The following GPR155 variants were observed in gnomAD, a reference collection of about 807,000 sequenced individuals.
GPR155 encodes lysosomal cholesterol signaling protein.
Under a neutral mutation model 93.1 loss-of-function variants are expected in GPR155, and 65 were observed. The ratio of observed to expected loss-of-function variants is 0.70; its 90% CI spans 0.57 to 0.86. The LOEUF is 0.86. GPR155 is among the 40% of genes least tolerant of loss of function. The probability of loss-of-function intolerance (pLI) is 0.00; values close to 1 mark genes in which losing one functional copy is unlikely to be tolerated. For synonymous variants in GPR155, 319 were observed against 360.1 expected (o/e 0.89, Z 1.29); for missense variants, 838 against 1,034.8 (o/e 0.81, Z 2.61).
intron 10 of GPR155, 128 bp downstream of exon 10, chr2:174,459,750 T>C: frequency 1.6e-6 from 1 of 632,792 alleles, no homozygotes; most frequent in Middle Eastern, 4.3e-4. Context: ...GAGGCTCAGG[T>C]GGCAGAATCG....
rs144476713 is a variant in GPR155, at chr2:174,481,897, C to T, written c.60G>A (p.Leu20=). Residue 20 remains leucine, a synonymous_variant, in exon 2 of 16, where the codon TTG becomes TTA. Coordinates refer to ENST00000392552, the MANE Select transcript of GPR155 (RefSeq NM_152529.7). ...LTIAVNMTKT[L]PTAVTHGFNS... ...TAAATCCATGCGTTACTGCTGTAGG[C>T]AAAGTCTTGGTCATATTGACTGCAA... 2.1e-4 allele frequency: 333 copies of T among 1,613,936 alleles called. No individual in the cohort carries two copies. The highest frequency in any genetic ancestry group is 2.6e-4 in the Non-Finnish European group (302 of 1,179,996).
chr2:174,479,621 A>T (rs1688263336), intron 2 of GPR155, among the ~76,000 whole-genome samples: 1 of 152,240 alleles, frequency 6.6e-6, no homozygotes, highest in Non-Finnish European at 1.5e-5. Context: ...CTATTTCATT[A>T]TCGGCTCACT....
chr2:174,464,580 C>T (rs924600711), intron 7 of GPR155, among the ~76,000 whole-genome samples: 1 of 150,490 alleles, frequency 6.6e-6, no homozygotes, highest in Admixed American at 6.7e-5. Context: ...TAGACTTTGG[C>T]GTGCATGCTT....
intron 1 of GPR155, among the ~76,000 whole-genome samples, chr2:174,485,083 A>T (rs1688435583): frequency 2.0e-5 from 3 of 152,194 alleles, no homozygotes; most frequent in Admixed American, 6.5e-5. Context: ...CTGGTAAAAG[A>T]TCCACCAACT....
intron 3 of GPR155, 149 bp from the exon 4 acceptor site, chr2:174,470,704 A>G: frequency 1.8e-6 from 1 of 567,304 alleles, no homozygotes; most frequent in South Asian, 3.0e-5. Context: ...CTACCTGGGC[A>G]CATTTTGTTG....
At chr2:174,457,605 C>A (rs1687557161) in intron 10 of GPR155, among the ~76,000 whole-genome samples, 1 of 151,932 alleles carries the variant, frequency 6.6e-6, no homozygotes, top group Non-Finnish European at 1.5e-5. Flanking sequence ...TACAGGCACC[C>A]GCCACCACAC....
intron 15 of GPR155, among the ~76,000 whole-genome samples, chr2:174,438,960 A>G (rs1686872993): frequency 1.3e-5 from 2 of 152,192 alleles, no homozygotes; most frequent in African/African-American, 4.8e-5. Context: ...TAATTCAACA[A>G]TCCCAAGAAT....
At chr2:174,449,236 C>T (rs1687247661) in intron 11 of GPR155, among the ~76,000 whole-genome samples, 2 of 152,118 alleles carry the variant, frequency 1.3e-5, no homozygotes, top group Admixed American at 6.5e-5. Context: ...ACAACAGATG[C>T]TGGTGAGGCT....
Position 174,434,186 on chromosome 2 carries a change from G to A in GPR155, c.*1930C>T, listed in dbSNP as rs1686710258. On this transcript the variant is annotated 3_prime_UTR_variant, in exon 16 of 16. Transcript: ENST00000392552. ...GGGTTTCACCACATTGGCCAGGCTG[G>A]TCTCGAACTCCTGGGCTGAAGCAAT... The A allele has an allele frequency of 6.7e-6, 1 of 148,632 alleles. No individual in the cohort carries two copies. Among genetic ancestry groups the A allele is most frequent in the South Asian group, 2.1e-4 (1 of 4,728 alleles). 9.2% of individuals were successfully genotyped at this position (148,632 alleles called of 1,614,324 possible).
intron 7 of GPR155, among the ~76,000 whole-genome samples, chr2:174,464,783 A>T (rs1687793711): frequency 6.6e-6 from 1 of 152,154 alleles, no homozygotes; most frequent in Non-Finnish European, 1.5e-5. Context: ...TGCAAGATGT[A>T]GTTGCCTTTA....
intron 12 of GPR155, 101 bp from the exon 13 acceptor site, chr2:174,445,277 G>A: frequency 1.6e-6 from 1 of 630,270 alleles, no homozygotes; most frequent in East Asian, 2.7e-5. Flanking sequence ...ATAATTACAG[G>A]GAAAAAGACT....
intron 10 of GPR155, among the ~76,000 whole-genome samples, chr2:174,454,651 AG>A (rs1687436903): frequency 8.4e-6 from 1 of 119,572 alleles, no homozygotes. Context: ...GGAAGGAGGG[AG>A]GGAAGAAGGG....
At chr2:174,441,936 C>T (rs1686976821) in intron 14 of GPR155, among the ~76,000 whole-genome samples, 183 bp downstream of exon 14, 1 of 151,250 alleles carries the variant, frequency 6.6e-6, no homozygotes, top group East Asian at 1.9e-4. Context: ...TTTGTAGAGA[C>T]TAGGTTTCAC....
At chr2:174,461,077 A>G (rs540810486) in intron 9 of GPR155, among the ~76,000 whole-genome samples, 3 of 152,322 alleles carry the variant, frequency 2.0e-5, no homozygotes, top group Non-Finnish European at 1.5e-5. Flanking sequence ...TTAAGAGTCA[A>G]GAATTTGACC....
intron 1 of GPR155, among the ~76,000 whole-genome samples, chr2:174,485,315 G>T (rs935808414): frequency 6.6e-6 from 1 of 152,112 alleles, no homozygotes; most frequent in Non-Finnish European, 1.5e-5. Flanking sequence ...CAAAAAAAAG[G>T]GCCGGGCGCA....
chr2:174,466,668 T>A (rs746471763), intron 5 of GPR155, 41 bp from the exon 6 acceptor site: 3 of 999,398 alleles, frequency 3.0e-6, no homozygotes, highest in Non-Finnish European at 4.7e-6. Flanking sequence ...TGTTTCTTAA[T>A]CTTTATAATT....
chr2:174,436,709 A>G (rs144194092), intron 15 of GPR155, among the ~76,000 whole-genome samples: 2 of 152,382 alleles, frequency 1.3e-5, no homozygotes, highest in East Asian at 3.9e-4. Flanking sequence ...AATACTTTTT[A>G]TAGTAGCCTG....
At position 174,461,386 on chromosome 2, in the gene GPR155, A is replaced by G. The variant is rs766176089; in HGVS notation, c.1560+16T>C. The G allele has an allele frequency of 1.4e-5, 22 of 1,520,968 alleles. No homozygotes were observed. In the Admixed American group the frequency reaches 3.2e-4, roughly 22 times the overall value. 94.2% of individuals were successfully genotyped at this position (1,520,968 alleles called of 1,614,324 possible). On this transcript the variant is annotated intron_variant, in intron 9 of 15. Transcript: ENST00000392552. ...AGACATTCTCAAGAACAGAACTGCC[A>G]GTAAACTCTTCCCACCTGTTCTTTT...
At chr2:174,482,014 T>C (rs377132309) in intron 1 of GPR155, 27 bp from the exon 2 acceptor site, 1 of 1,165,618 alleles carries the variant, frequency 8.6e-7, no homozygotes, top group Non-Finnish European at 1.2e-6. Flanking sequence ...AAAGATTCAG[T>C]ATGGCCATCA....
Sources: allele counts gnomAD v4.1 joint callset (sites outside exome capture counted in the v4.1 genomes callset), GRCh38; gene constraint gnomAD v4.1.1; transcripts MANE v1.5; gene names NCBI Gene and HGNC (gene_info 2026-07-23, HGNC 2026-07-21).